The following SH3PXD2A variants were observed in gnomAD, a reference collection of about 807,000 sequenced individuals.
SH3PXD2A encodes SH3 and PX domain-containing protein 2A.
SH3PXD2A carries 32 observed loss-of-function variants against 115.2 expected under a neutral mutation model. That is an observed-to-expected ratio of 0.28 (90% confidence interval 0.21 to 0.37). The LOEUF is 0.37. Among genes scored for constraint, SH3PXD2A ranks in the 10% least tolerant of loss-of-function variants. The pLI is 1.00. For synonymous variants in SH3PXD2A, 610 were observed against 629.1 expected, an observed-to-expected ratio of 0.97 and a Z score of 0.45; for missense variants, 1,328 against 1,498.7, an observed-to-expected ratio of 0.89 and a Z score of 1.88.
chr10:103,850,879 C>A (rs889182213), intron 1 of SH3PXD2A, among the ~76,000 whole-genome samples: 3 of 152,128 alleles, frequency 2.0e-5, no homozygotes, highest in Non-Finnish European at 2.9e-5. Context: ...GGTGCATGTC[C>A]ATGGTGAGGT....
chr10:103,836,630 T>C (rs1195244552), intron 1 of SH3PXD2A, among the ~76,000 whole-genome samples: 1 of 147,042 alleles, frequency 6.8e-6, no homozygotes, highest in Middle Eastern at 3.5e-3. Context: ...TCCATACACA[T>C]GCAACATTCC....
chr10:103,679,152 C>A (rs768545576), intron 6 of SH3PXD2A, among the ~76,000 whole-genome samples: 3 of 152,258 alleles, frequency 2.0e-5, no homozygotes, highest in Non-Finnish European at 4.4e-5. Flanking sequence ...GAGACCCCTA[C>A]ATGGCGTGGC....
At chr10:103,816,661 C>T (rs917556570) in intron 1 of SH3PXD2A, among the ~76,000 whole-genome samples, 4 of 152,074 alleles carry the variant, frequency 2.6e-5, no homozygotes, top group African/African-American at 9.7e-5. Flanking sequence ...AGGCATCTAC[C>T]TAAGAGAAAT....
chr10:103,812,585 T>C (rs931905649), intron 1 of SH3PXD2A, among the ~76,000 whole-genome samples: 8 of 152,138 alleles, frequency 5.3e-5, no homozygotes, highest in Admixed American at 2.0e-4. Context: ...CCTGAAAATG[T>C]GCCCCACTCC....
chr10:103,613,288 TC>T (rs2036458496), intron 11 of SH3PXD2A, 98 bp from the exon 12 acceptor site: 2 of 910,200 alleles, frequency 2.2e-6, no homozygotes, highest in East Asian at 2.6e-5. Context: ...AGTGGAGCCT[TC>T]CCTACCATGT....
At chr10:103,679,675 A>G (rs1405151975) in intron 6 of SH3PXD2A, among the ~76,000 whole-genome samples, 1 of 152,226 alleles carries the variant, frequency 6.6e-6, no homozygotes, top group East Asian at 1.9e-4. Context: ...ACCCTGACAG[A>G]TCTGAAATGA....
chr10:103,740,806 T>G (rs1424851044), intron 3 of SH3PXD2A, among the ~76,000 whole-genome samples: 1 of 152,184 alleles, frequency 6.6e-6, no homozygotes, highest in African/African-American at 2.4e-5. Flanking sequence ...TGCCTTTCCT[T>G]CTTTCCTTCC....
chr10:103,719,088 T>C (rs1288897180), intron 5 of SH3PXD2A, among the ~76,000 whole-genome samples: 2 of 152,286 alleles, frequency 1.3e-5, no homozygotes, highest in African/African-American at 4.8e-5. Context: ...CCAGCCTCTT[T>C]CATAAGAACT....
chr10:103,779,060 TCTTA>T (rs2038907703), intron 2 of SH3PXD2A, among the ~76,000 whole-genome samples: 1 of 152,160 alleles, frequency 6.6e-6, no homozygotes, highest in African/African-American at 2.4e-5. Context: ...AGGCATGGCT[TCTTA>T]CTATGTTTAT....
intron 6 of SH3PXD2A, among the ~76,000 whole-genome samples, chr10:103,680,046 C>CA (rs2037588697): frequency 6.6e-6 from 1 of 152,052 alleles, no homozygotes. Context: ...ATGGCGCCAT[C>CA]TCTGCTCACT....
intron 2 of SH3PXD2A, among the ~76,000 whole-genome samples, chr10:103,795,452 AC>A (rs2039076792): frequency 6.6e-6 from 1 of 152,142 alleles, no homozygotes; most frequent in Non-Finnish European, 1.5e-5. Flanking sequence ...GGTATGGATA[AC>A]CAAAAAGGTT....
Position 103,603,357 on chromosome 10 carries a change from C to T in SH3PXD2A, c.1861G>A (p.Glu621Lys), listed in dbSNP as rs765256036. Residue 621 changes from glutamate to lysine, a missense_variant, in exon 15 of 15, where the codon GAG becomes AAG. Around this residue, in one of 5 missense-constraint regions of SH3PXD2A, gnomAD observed 509 missense variants for 628.3 expected, o/e 0.81. Transcript: ENST00000369774. The part of the protein sequence containing the change: ...DVALEEETIY[E>K]NEGFRPYAED... ...GCATATGGCCGGAAGCCCTCATTCT[C>T]ATAGATGGTCTCCTCTTCCAGGGCC... 3.1e-6 allele frequency: 5 copies of T among 1,614,166 alleles called. No homozygotes were observed. The Admixed American group carries it at 8.3e-5, about 27-fold the overall frequency.
At chr10:103,644,308 G>A (rs545435709) in intron 8 of SH3PXD2A, among the ~76,000 whole-genome samples, 108 of 151,926 alleles carry the variant, frequency 7.1e-4, no homozygotes, top group African/African-American at 2.5e-3. Flanking sequence ...GGCCAGGTGC[G>A]GTGGCTCACA....
intron 5 of SH3PXD2A, chr10:103,693,724 C>T (rs2037789900): frequency 6.6e-6 from 1 of 152,302 alleles, no homozygotes; most frequent in Non-Finnish European, 1.5e-5. Context: ...TGGCAGAGGC[C>T]ATGGATAAGG....
intron 8 of SH3PXD2A, among the ~76,000 whole-genome samples, chr10:103,655,866 C>T (rs1259145703): frequency 6.7e-6 from 1 of 148,680 alleles, no homozygotes; most frequent in Non-Finnish European, 1.5e-5. Context: ...ATCAATTAGA[C>T]TCTAAGCTCC....
At chr10:103,730,452 G>A (rs2038303641) in intron 4 of SH3PXD2A, among the ~76,000 whole-genome samples, 1 of 151,696 alleles carries the variant, frequency 6.6e-6, no homozygotes, top group South Asian at 2.1e-4. Context: ...TAACCTGCTT[G>A]GACTGTTCTT....
At chr10:103,782,934 G>GC (rs1262075972) in intron 2 of SH3PXD2A, among the ~76,000 whole-genome samples, 5 of 146,980 alleles carry the variant, frequency 3.4e-5, no homozygotes, top group African/African-American at 1.3e-4. Context: ...TGCATGCCTT[G>GC]GGGGGGGGGG....
chr10:103,693,317 C>G (rs2224375), intron 5 of SH3PXD2A: 35,037 of 150,242 alleles, frequency 0.23, 4,926 homozygotes, highest in Non-Finnish European at 0.31. Flanking sequence ...CAGCCCGCCC[C>G]GCTAACTGGG....
chr10:103,628,284 C>A (rs1018552640), intron 8 of SH3PXD2A, among the ~76,000 whole-genome samples: 1 of 152,202 alleles, frequency 6.6e-6, no homozygotes, highest in Admixed American at 6.5e-5. Context: ...AGGTCCCCAC[C>A]GCCCCACATG....
Sources: gnomAD v4.1 joint callset for allele counts (sites outside exome capture counted in the v4.1 genomes callset) on GRCh38, gnomAD v4.1.1 for gene constraint, gnomAD v4.1.1 regional missense constraint, MANE v1.5 for transcripts, NCBI Gene and HGNC (gene_info 2026-07-23, HGNC 2026-07-21) for gene names.